The following TOX4 variants were observed in gnomAD, a reference collection of about 807,000 sequenced individuals.
TOX4 encodes epidermal Langerhans cell protein LCP1.
A neutral mutation model predicts 61.0 loss-of-function variants in TOX4; 12 were observed. That is an observed-to-expected ratio of 0.20 (90% CI 0.13 to 0.32). The LOEUF (loss-of-function observed/expected upper bound fraction) is 0.32. TOX4 is among the 10% of genes least tolerant of loss of function. TOX4 has a pLI of 1.00. For synonymous variants in TOX4, 268 were observed against 274.8 expected, an observed-to-expected ratio of 0.98 and a Z score of 0.24; for missense variants, 499 against 753.3, an observed-to-expected ratio of 0.66 and a Z score of 3.95.
At position 21,477,549 on chromosome 14, in the gene TOX4, C is replaced by T. The variant is rs139989642; in HGVS notation, c.60C>T (p.Phe20=). 1,759 of 1,613,644 alleles carry T rather than the reference C, an allele frequency of 1.1e-3. 2 individuals are homozygous for T. The highest frequency in any genetic ancestry group is 1.4e-3 in the Non-Finnish European group (1,638 of 1,180,044). Residue 20 remains phenylalanine, a synonymous_variant, in exon 2 of 9, where the codon TTC becomes TTT. Transcript: ENST00000448790. ...YLTITGPSHP[F]LSGAETFHTP... ...CGATCACAGGGCCTTCGCACCCCTTCCTGTCAGGGGCCGAGGTGAGCCAGA... is the reference window on the plus strand; with the variant it reads ...CGATCACAGGGCCTTCGCACCCCTTTCTGTCAGGGGCCGAGGTGAGCCAGA...
chr14:21,492,467 G>A lies in TOX4; in HGVS notation c.892-41G>A, dbSNP rs1391567579. 5 of 1,610,902 alleles carry A rather than the reference G, an allele frequency of 3.1e-6. No homozygotes were observed. In the Admixed American group the frequency reaches 6.7e-5, roughly 22 times the overall value. On this transcript the variant is annotated intron_variant, in intron 6 of 8. Coordinates refer to ENST00000448790, the MANE Select transcript of TOX4 (RefSeq NM_014828.4). Reference sequence around the variant, plus strand: ...AGTTTTAAGAAGTAAATACCACCAAGTGATTGATTAATTGATAGATTGATT... The same window carrying A: ...AGTTTTAAGAAGTAAATACCACCAAATGATTGATTAATTGATAGATTGATT...
In TOX4 at chr14:21,477,531, A is replaced by T. The variant is rs1190810097; in HGVS notation, c.42A>T (p.Thr14=). 6.2e-7 allele frequency: 1 copy of T among 1,613,756 alleles called. No individual in the cohort carries two copies. The highest frequency in any genetic ancestry group is 1.3e-5 in the African/African-American group (1 of 75,026). The change falls in exon 2 of 9, where the codon ACA becomes ACT. Residue 14 remains threonine, a synonymous_variant. Coordinates refer to ENST00000448790, the MANE Select transcript of TOX4 (RefSeq NM_014828.4). ...GAAATGACAATTACCTGACGATCAC[A>T]GGGCCTTCGCACCCCTTCCTGTCAG... ...PGGNDNYLTI[T]GPSHPFLSGA...
intron 2 of TOX4, among the ~76,000 whole-genome samples, chr14:21,478,724 T>C (rs1216790794): frequency 6.6e-6 from 1 of 152,218 alleles, no homozygotes; most frequent in Non-Finnish European, 1.5e-5. Context: ...TCAGTGGCTG[T>C]TGCATGGGCT....
intron 2 of TOX4, among the ~76,000 whole-genome samples, chr14:21,483,236 C>CT (rs1332092006): frequency 6.6e-6 from 1 of 152,104 alleles, no homozygotes; most frequent in Non-Finnish European, 1.5e-5. Flanking sequence ...TATATCCTGA[C>CT]AAAGTTGCTG....
intron 7 of TOX4, 26 bp downstream of exon 7, chr14:21,493,283 G>A (rs767452012): frequency 6.4e-7 from 1 of 1,569,762 alleles, no homozygotes; most frequent in South Asian, 1.2e-5. Flanking sequence ...TAAGTCTTTA[G>A]TCTAGTGGAA....
chr14:21,496,007 A>G (rs1891390972), intron 8 of TOX4: 2 of 153,472 alleles, frequency 1.3e-5, no homozygotes, highest in Admixed American at 6.5e-5. Context: ...TAAGACAGAT[A>G]AAAAATCCAG....
rs766610438 is a variant in TOX4 at position 21,489,200 on chromosome 14, G to A, written c.607G>A (p.Val203Met). 6.2e-7 allele frequency: 1 copy of A among 1,613,968 alleles called. No homozygotes were observed. The highest frequency in any genetic ancestry group is 1.1e-5 in the South Asian group (1 of 91,088). ...RQLPSQKTVV[V>M]EAGKKQKAPK... The stretch of plus-strand genomic sequence containing the variant: ...ACTTCCCAGCCAGAAGACAGTCGTG[G>A]TGGAAGCAGGGAAAAAGCAGAAGGC... The change falls in exon 5 of 9, where the codon GTG becomes ATG. Residue 203 changes from valine (V) to methionine (M), a missense_variant. This residue lies in a region of TOX4 where 61 missense variants were observed against 76.1 expected (regional missense o/e 0.80). Transcript: ENST00000448790.
chr14:21,484,276 A>C lies in TOX4; in HGVS notation c.76-3175A>C, dbSNP rs188609901. Among the ~76,000 whole-genome samples, 7 of 148,228 alleles carry C rather than the reference A, an allele frequency of 4.7e-5. No individual in the cohort carries two copies. In the East Asian group the frequency reaches 8.1e-4, roughly 17 times the overall value. ...TTCAGAGATTGGGCATTTCACAGGC[A>C]CACTTTTTTCTCCCTAGTTTCTGCT... On this transcript the variant is annotated intron_variant, in intron 2 of 8. Transcript: ENST00000448790.
chr14:21,479,424 G>A (rs1363352579), intron 2 of TOX4, among the ~76,000 whole-genome samples: 2 of 151,946 alleles, frequency 1.3e-5, no homozygotes, highest in African/African-American at 4.8e-5. Context: ...GCCAAGGAGG[G>A]CGGATCACGA....
chr14:21,498,263 A>T lies in TOX4; in HGVS notation c.*1657A>T. ...AGCTCTGTAAGGAAGTGCTTCTATA[A>T]ATTCTTAGGTTTAGAGATGATACCA... On this transcript the variant is annotated 3_prime_UTR_variant, in exon 9 of 9. Coordinates refer to ENST00000448790, the MANE Select transcript of TOX4 (RefSeq NM_014828.4). 6.3e-7 allele frequency: 1 copy of T among 1,575,892 alleles called. No homozygotes were observed. Among genetic ancestry groups the T allele is most frequent in the South Asian group, 1.1e-5 (1 of 90,238 alleles).
At chr14:21,485,307 A>C (rs1435860370) in intron 2 of TOX4, among the ~76,000 whole-genome samples, 1 of 105,264 alleles carries the variant, frequency 9.5e-6, no homozygotes. Flanking sequence ...CCCAGCTACT[A>C]GGGAGGCTGA....
At chr14:21,490,203 C>T (rs943203896) in intron 5 of TOX4, among the ~76,000 whole-genome samples, 3 of 149,578 alleles carry the variant, frequency 2.0e-5, no homozygotes, top group African/African-American at 7.4e-5. Context: ...ATAGGCCGGG[C>T]GCGGTGGCTC....
rs552437691 is a variant in TOX4, at chr14:21,494,790, G to A, written c.1642-439G>A. On this transcript the variant is annotated intron_variant, in intron 7 of 8. Transcript: ENST00000448790. The stretch of plus-strand genomic sequence containing the variant: ...AAAAATTAGCTGGGCACGGTGATGG[G>A]CGCCTGTAATCCCAGCTACTTGGGA... 1.6e-4 allele frequency among the ~76,000 whole-genome samples: 24 copies of A among 151,148 alleles called. No homozygotes were observed. The South Asian group carries it at 5.0e-3, about 32-fold the overall frequency.
intron 5 of TOX4, among the ~76,000 whole-genome samples, chr14:21,491,910 C>A (rs1170693791): frequency 1.3e-5 from 2 of 151,680 alleles, no homozygotes; most frequent in Non-Finnish European, 2.9e-5. Flanking sequence ...ACTCAGGAGG[C>A]TGAAGCAGGA....
At chr14:21,494,990 C>T (rs1425713650) in intron 7 of TOX4, among the ~76,000 whole-genome samples, 1 of 150,970 alleles carries the variant, frequency 6.6e-6, no homozygotes, top group African/African-American at 2.4e-5. Context: ...GAAAAAAAAG[C>T]ATTAGCACAT....
At chr14:21,494,980 G>GA (rs34519531) in intron 7 of TOX4, among the ~76,000 whole-genome samples, 39,022 of 151,266 alleles carry the variant, frequency 0.26, 5,123 homozygotes, top group Middle Eastern at 0.34. Context: ...GCTTAACAGG[G>GA]AAAAAAAAGC....
At position 21,489,201 on chromosome 14, in the gene TOX4, T is replaced by C; in HGVS notation, c.608T>C (p.Val203Ala). Residue 203 changes from valine to alanine, a missense_variant, in exon 5 of 9, where the codon GTG becomes GCG. Physicochemically the swap from Val to Ala is moderately conservative, Grantham distance 64 (BLOSUM62 0). Around this residue, in one of 7 missense-constraint regions of TOX4, gnomAD observed 61 missense variants for 76.1 expected, o/e 0.80. Transcript: ENST00000448790. ...RQLPSQKTVV[V>A]EAGKKQKAPK... ...CTTCCCAGCCAGAAGACAGTCGTGGTGGAAGCAGGGAAAAAGCAGAAGGCC... is the reference window on the plus strand; with the variant it reads ...CTTCCCAGCCAGAAGACAGTCGTGGCGGAAGCAGGGAAAAAGCAGAAGGCC... 1.9e-6 allele frequency: 3 copies of C among 1,614,098 alleles called. No individual in the cohort carries two copies. The highest frequency in any genetic ancestry group is 2.5e-6 in the Non-Finnish European group (3 of 1,180,012).
In TOX4 at chr14:21,489,328, T is replaced by C. The variant is rs778223785; in HGVS notation, c.735T>C (p.Asn245=). Residue 245 remains asparagine (N), a synonymous_variant, in exon 5 of 9, where the codon AAT becomes AAC. Coordinates refer to ENST00000448790, the MANE Select transcript of TOX4 (RefSeq NM_014828.4). ...CACAGGCTGCCATCAAGGGACAGAA[T>C]CCTAATGCCACTTTTGGTGAGGTTT... ...RDTQAAIKGQ[N]PNATFGEVSK... 1 of 1,614,160 alleles carries C rather than the reference T, an allele frequency of 6.2e-7. No individual in the cohort carries two copies. Among genetic ancestry groups the C allele is most frequent in the Non-Finnish European group, 8.5e-7 (1 of 1,180,026 alleles).
chr14:21,477,832 T>C (rs1409127212), intron 2 of TOX4, among the ~76,000 whole-genome samples: 2 of 152,226 alleles, frequency 1.3e-5, no homozygotes, highest in Admixed American at 1.3e-4. Context: ...AGAGTGGAAT[T>C]GTCTCCTTTC....
Sources: gnomAD v4.1 joint callset for allele counts (sites outside exome capture counted in the v4.1 genomes callset) on GRCh38, gnomAD v4.1.1 for gene constraint, gnomAD v4.1.1 regional missense constraint, MANE v1.5 for transcripts, NCBI Gene and HGNC (gene_info 2026-07-23, HGNC 2026-07-21) for gene names.